FAM107B: variants seen among roughly 807,000 people sequenced by gnomAD.
The protein encoded by FAM107B is family with sequence similarity 107 member B.
Under a neutral mutation model 31.5 loss-of-function variants are expected in FAM107B, and 21 were observed. That is an observed-to-expected ratio of 0.67 (90% CI 0.47 to 0.96). FAM107B has a LOEUF of 0.96. Ranked by LOEUF, FAM107B falls within the 40% of genes least tolerant of loss-of-function variation. The pLI, the probability that FAM107B is intolerant of heterozygous loss-of-function variation, is 0.00. For synonymous variants in FAM107B, 157 were observed against 141.5 expected (o/e 1.11, Z -0.78); for missense variants, 452 against 377.1 (o/e 1.20, Z -1.64).
chr10:14,599,235 C>G lies in FAM107B; in HGVS notation c.469+68399G>C, dbSNP rs935590768. On this transcript the variant is annotated intron_variant, in intron 2 of 4. Transcript: ENST00000181796. ...GGGTTGCTGGGGCTCAGTGTCCCCC[C>G]CCACTTCAAGACTTCTAAGTCTCCC... 5.9e-5 allele frequency among the ~76,000 whole-genome samples: 9 copies of G among 152,070 alleles called. No homozygotes were observed. In the East Asian group the frequency reaches 9.7e-4, roughly 16 times the overall value.
intron 2 of FAM107B, among the ~76,000 whole-genome samples, chr10:14,543,263 G>A (rs146042553): frequency 6.6e-6 from 1 of 152,224 alleles, no homozygotes; most frequent in East Asian, 1.9e-4. Flanking sequence ...CCCGTCATAC[G>A]TGTTTCTTTA....
At chr10:14,719,055 G>T (rs988502240) in intron 1 of FAM107B, among the ~76,000 whole-genome samples, 2 of 152,220 alleles carry the variant, frequency 1.3e-5, no homozygotes, top group African/African-American at 4.8e-5. Flanking sequence ...GTCTAGGGCT[G>T]CTCCTATTAT....
At chr10:14,707,479 T>A (rs1855549044) in intron 1 of FAM107B, among the ~76,000 whole-genome samples, 1 of 152,084 alleles carries the variant, frequency 6.6e-6, no homozygotes, top group Non-Finnish European at 1.5e-5. Context: ...ACAAAAAGAA[T>A]CAGGATCACC....
intron 1 of FAM107B, among the ~76,000 whole-genome samples, chr10:14,773,994 G>T (rs1310681258): frequency 2.6e-5 from 4 of 152,086 alleles, no homozygotes; most frequent in African/African-American, 4.8e-5. Context: ...TGGCTCTAAG[G>T]CACCCTAGCC....
chr10:14,745,728 G>A (rs1484014169), intron 1 of FAM107B, among the ~76,000 whole-genome samples: 1 of 152,208 alleles, frequency 6.6e-6, no homozygotes, highest in South Asian at 2.1e-4. Flanking sequence ...CAATTATGTG[G>A]TTGATTTTAG....
chr10:14,767,053 T>TAGAG (rs1564295724), intron 1 of FAM107B, among the ~76,000 whole-genome samples: 43 of 26,404 alleles, frequency 1.6e-3, no homozygotes, highest in African/African-American at 2.8e-3. Context: ...TATATATATA[T>TAGAG]ATAGAGAGAG....
intron 2 of FAM107B, among the ~76,000 whole-genome samples, chr10:14,648,453 G>C (rs1853821285): frequency 6.6e-6 from 1 of 152,216 alleles, no homozygotes; most frequent in Non-Finnish European, 1.5e-5. Context: ...AAGCTATTCA[G>C]ATATCACTGG....
At chr10:14,604,222 T>G in intron 2 of FAM107B, 1 of 978,444 alleles carries the variant, frequency 1.0e-6, no homozygotes, top group Non-Finnish European at 1.2e-6. Flanking sequence ...GGAAAGTAAG[T>G]GCGGGAGGCG....
At chr10:14,702,079 T>G (rs574786664) in intron 1 of FAM107B, among the ~76,000 whole-genome samples, 6 of 152,350 alleles carry the variant, frequency 3.9e-5, no homozygotes, top group Admixed American at 2.6e-4. Context: ...AATATACTGA[T>G]AAGTAAATGC....
chr10:14,748,090 C>A (rs976769013), intron 1 of FAM107B, among the ~76,000 whole-genome samples: 1 of 152,206 alleles, frequency 6.6e-6, no homozygotes. Context: ...TCAGTGCATA[C>A]TTCTATCAAA....
At chr10:14,618,554 G>A (rs1438690614) in intron 2 of FAM107B, among the ~76,000 whole-genome samples, 1 of 152,064 alleles carries the variant, frequency 6.6e-6, no homozygotes, top group Non-Finnish European at 1.5e-5. Flanking sequence ...AAGTCATTAC[G>A]GGCCGGGCTT....
intron 1 of FAM107B, among the ~76,000 whole-genome samples, chr10:14,685,142 AT>A (rs59475861): frequency 0.033 from 1,229 of 36,742 alleles, 13 homozygotes; most frequent in African/African-American, 0.13. Context: ...ACATCCTTTT[AT>A]TTTTTTTTTT....
rs367886657 is a variant in FAM107B at position 14,769,749 on chromosome 10, C to T, written c.411+4504G>A. 1.2e-3 allele frequency among the ~76,000 whole-genome samples: 188 copies of T among 152,278 alleles called. 2 individuals carry two copies. Among genetic ancestry groups the T allele is most frequent in the African/African-American group, 4.2e-3 (173 of 41,552 alleles). On this transcript the variant is annotated intron_variant, in intron 1 of 4. Transcript: ENST00000181796. Reference sequence around the variant, plus strand: ...CCCAAACTACAATTACTATCTCTTCCTATGTGAGGCTGGCTACTCCCAGTT... The same window carrying T: ...CCCAAACTACAATTACTATCTCTTCTTATGTGAGGCTGGCTACTCCCAGTT...
At chr10:14,570,332 G>A (rs909798272) in intron 2 of FAM107B, among the ~76,000 whole-genome samples, 16 of 151,766 alleles carry the variant, frequency 1.1e-4, no homozygotes, top group Non-Finnish European at 1.2e-4. Flanking sequence ...GGCCCAGCAG[G>A]GCAGGGTGGT....
intron 1 of FAM107B, among the ~76,000 whole-genome samples, chr10:14,756,699 A>G (rs535981873): frequency 2.2e-4 from 34 of 152,362 alleles, no homozygotes; most frequent in Non-Finnish European, 4.4e-4. Context: ...TTCTACCATA[A>G]AGGCATGCAT....
At chr10:14,669,406 C>G (rs1330378595) in intron 1 of FAM107B, among the ~76,000 whole-genome samples, 4 of 146,764 alleles carry the variant, frequency 2.7e-5, no homozygotes, top group African/African-American at 1.0e-4. Context: ...ATGTCCTTTT[C>G]GAAGGAAATC....
At chr10:14,568,207 C>T (rs1478135663) in intron 2 of FAM107B, among the ~76,000 whole-genome samples, 1 of 152,228 alleles carries the variant, frequency 6.6e-6, no homozygotes, top group Non-Finnish European at 1.5e-5. Flanking sequence ...AGGGCAGGAA[C>T]CTAAGCCCTG....
At chr10:14,689,894 G>A (rs1264444353) in intron 1 of FAM107B, among the ~76,000 whole-genome samples, 1 of 152,048 alleles carries the variant, frequency 6.6e-6, no homozygotes. Flanking sequence ...GCCTGGAGAG[G>A]TCGAGGCTGC....
intron 1 of FAM107B, among the ~76,000 whole-genome samples, chr10:14,749,994 C>T (rs1199760218): frequency 1.3e-5 from 2 of 152,084 alleles, no homozygotes; most frequent in Non-Finnish European, 2.9e-5. Flanking sequence ...TCTTGAAGAG[C>T]GAGGGGGTGG....
Sources: allele counts gnomAD v4.1 joint callset (sites outside exome capture counted in the v4.1 genomes callset), GRCh38; gene constraint gnomAD v4.1.1; transcripts MANE v1.5; gene names NCBI Gene and HGNC (gene_info 2026-07-23, HGNC 2026-07-21).